ARHGAP32: variants seen among roughly 807,000 people sequenced by gnomAD.
ARHGAP32 encodes the protein Rho GTPase activating protein 32.
ARHGAP32 carries 51 observed loss-of-function variants against 186.5 expected under a neutral mutation model. The observed-to-expected ratio is 0.27, with a 90% CI of 0.22 to 0.35. The LOEUF is 0.35. ARHGAP32 is among the 10% of genes least tolerant of loss of function. The pLI, the probability that ARHGAP32 is intolerant of heterozygous loss-of-function variation, is 1.00. For synonymous variants in ARHGAP32, 950 were observed against 964.3 expected, an observed-to-expected ratio of 0.99 and a Z score of 0.27; for missense variants, 2,186 against 2,623.5, an observed-to-expected ratio of 0.83 and a Z score of 3.64.
At chr11:129,075,460 G>C (rs142850166) in intron 6 of ARHGAP32, among the ~76,000 whole-genome samples, 346 of 152,284 alleles carry the variant, frequency 2.3e-3, no homozygotes, top group African/African-American at 8.2e-3. Context: ...TAATATTTAT[G>C]TGCTTAAAAA....
intron 5 of ARHGAP32, among the ~76,000 whole-genome samples, chr11:129,112,886 A>G (rs1387673973): frequency 6.6e-6 from 1 of 152,210 alleles, no homozygotes; most frequent in Non-Finnish European, 1.5e-5. Context: ...TGCATTTTCA[A>G]TATGAGATAA....
At chr11:129,191,232 CAT>C (rs1162120636) in intron 1 of ARHGAP32, among the ~76,000 whole-genome samples, 1 of 152,032 alleles carries the variant, frequency 6.6e-6, no homozygotes, top group Non-Finnish European at 1.5e-5. Context: ...TTTAATTGCA[CAT>C]GTGAGTGGCA....
At chr11:129,062,596 A>C (rs1940546321) in intron 9 of ARHGAP32, among the ~76,000 whole-genome samples, 1 of 152,212 alleles carries the variant, frequency 6.6e-6, no homozygotes, top group Non-Finnish European at 1.5e-5. Flanking sequence ...ACACAGGTGC[A>C]GTAACTTCAG....
intron 1 of ARHGAP32, among the ~76,000 whole-genome samples, chr11:129,276,962 T>G (rs1382252485): frequency 3.3e-5 from 5 of 152,234 alleles, no homozygotes; most frequent in Non-Finnish European, 7.3e-5. Flanking sequence ...GACATTGGAC[T>G]TCACAATCAT....
chr11:129,269,453 G>A (rs986889556), intron 1 of ARHGAP32, among the ~76,000 whole-genome samples: 10 of 152,094 alleles, frequency 6.6e-5, no homozygotes, highest in African/African-American at 1.7e-4. Context: ...ATGGCCAGGC[G>A]CCATAACTCA....
Position 129,053,717 on chromosome 11 carries a change from A to G in ARHGAP32, c.963+8563T>C, listed in dbSNP as rs183448889. Among the ~76,000 whole-genome samples the G allele has an allele frequency of 3.9e-5, 6 of 152,266 alleles. No individual in the cohort carries two copies. In the East Asian group the frequency reaches 1.2e-3, roughly 29 times the overall value. ...AAGGTTAGTGGTAAGCACTTCGAAA[A>G]GCACACCTAAGTACTCAAGAAATGT... is the stretch of plus-strand genomic sequence containing the variant. On this transcript the variant is annotated intron_variant, in intron 10 of 22. Transcript: ENST00000682385.
At chr11:128,993,489 G>A (rs757569790) in intron 12 of ARHGAP32, 5 of 151,328 alleles carry the variant, frequency 3.3e-5, no homozygotes, top group Non-Finnish European at 7.4e-5. Context: ...TACTGTATGT[G>A]TCTCATCTCT....
intron 8 of ARHGAP32, among the ~76,000 whole-genome samples, chr11:129,064,601 A>C (rs1940624871): frequency 6.6e-6 from 1 of 152,140 alleles, no homozygotes; most frequent in African/African-American, 2.4e-5. Flanking sequence ...CTAAACACCA[A>C]AATAACAGGT....
At chr11:129,269,185 T>C (rs1375080751) in intron 1 of ARHGAP32, among the ~76,000 whole-genome samples, 1 of 152,134 alleles carries the variant, frequency 6.6e-6, no homozygotes, top group Non-Finnish European at 1.5e-5. Context: ...GTGGGAGGAC[T>C]GCTTGAGCCC....
Position 129,040,980 on chromosome 11 carries a change from C to T in ARHGAP32, c.993G>A (p.Glu331=). ...ACTGGGGAACTTTTTGGTTAATTAA[C>T]TCAACACAGTGTCCAGGGAAGAGTC... ...QVGLFPGHCV[E]LINQKVPQSV... Residue 331 remains glutamate (E), a synonymous_variant, in exon 11 of 23, where the codon GAG becomes GAA. Transcript: ENST00000682385. The T allele has an allele frequency of 6.2e-7, 1 of 1,604,178 alleles. No homozygotes were observed. Among genetic ancestry groups the T allele is most frequent in the Non-Finnish European group, 8.5e-7 (1 of 1,175,030 alleles).
chr11:128,995,160 C>T (rs1349256549), intron 12 of ARHGAP32, among the ~76,000 whole-genome samples: 1 of 151,996 alleles, frequency 6.6e-6, no homozygotes, highest in Non-Finnish European at 1.5e-5. Context: ...GTTGTATCTA[C>T]CATTTATAGA....
intron 11 of ARHGAP32, chr11:129,024,043 G>A: frequency 1.0e-6 from 1 of 985,428 alleles, no homozygotes; most frequent in South Asian, 4.7e-5. Context: ...CCACATCACT[G>A]CCGGGTTCCA....
chr11:129,219,223 G>T (rs10893998), intron 1 of ARHGAP32, among the ~76,000 whole-genome samples: 29,998 of 152,070 alleles, frequency 0.2, 3,144 homozygotes, highest in Non-Finnish European at 0.23. Flanking sequence ...TGAAAGGTGT[G>T]CTTTTTTCCT....
intron 5 of ARHGAP32, among the ~76,000 whole-genome samples, chr11:129,094,606 T>C (rs1005254382): frequency 6.6e-6 from 1 of 152,182 alleles, no homozygotes; most frequent in Non-Finnish European, 1.5e-5. Context: ...AGGTGTATAT[T>C]CCCCAAGAAA....
intron 2 of ARHGAP32, among the ~76,000 whole-genome samples, chr11:129,135,855 A>G (rs1392923169): frequency 6.6e-6 from 1 of 152,178 alleles, no homozygotes; most frequent in Non-Finnish European, 1.5e-5. Context: ...CCCAAACATA[A>G]AAGGTTAACA....
chr11:129,242,009 G>C (rs1349430443), intron 1 of ARHGAP32, among the ~76,000 whole-genome samples: 1 of 152,202 alleles, frequency 6.6e-6, no homozygotes, highest in African/African-American at 2.4e-5. Flanking sequence ...AGGCAAGCTG[G>C]GATAGGGTCA....
At chr11:129,212,351 G>A (rs1445617058) in intron 1 of ARHGAP32, among the ~76,000 whole-genome samples, 1 of 151,982 alleles carries the variant, frequency 6.6e-6, no homozygotes, top group Non-Finnish European at 1.5e-5. Context: ...TGAAAATAAG[G>A]CTCTCACTGT....
intron 6 of ARHGAP32, among the ~76,000 whole-genome samples, chr11:129,080,699 G>A (rs939187447): frequency 6.6e-6 from 1 of 151,444 alleles, no homozygotes; most frequent in East Asian, 1.9e-4. Context: ...AGGAACTACA[G>A]AAACGAGAAC....
chr11:129,073,512 C>A (rs1415599610), intron 6 of ARHGAP32, among the ~76,000 whole-genome samples: 2 of 151,824 alleles, frequency 1.3e-5, no homozygotes, highest in Non-Finnish European at 2.9e-5. Context: ...GAGGGTATCA[C>A]AATAGAAACA....
Sources: gnomAD v4.1 joint callset for allele counts (sites outside exome capture counted in the v4.1 genomes callset) on GRCh38, gnomAD v4.1.1 for gene constraint, MANE v1.5 for transcripts, NCBI Gene and HGNC (gene_info 2026-07-23, HGNC 2026-07-21) for gene names.